The following MAX variants were observed in gnomAD, a reference collection of about 807,000 sequenced individuals.
MAX encodes protein max.
Under a neutral mutation model 22.3 loss-of-function variants are expected in MAX, and 3 were observed. The observed-to-expected ratio is 0.13, with a 90% CI of 0.06 to 0.35. MAX has a LOEUF of 0.35. Ranked by LOEUF, MAX falls within the 10% of genes least tolerant of loss-of-function variation. MAX has a pLI of 1.00. For missense variants in MAX, 119 were observed against 209.4 expected, an observed-to-expected ratio of 0.57 and a Z score of 2.66; for synonymous variants, 72 against 77.7, an observed-to-expected ratio of 0.93 and a Z score of 0.39.
rs1002796345 is a variant in MAX at position 65,060,396 on chromosome 14, C to T, written c.171+33312G>A. Among the ~76,000 whole-genome samples, 11 of 148,632 alleles carry T rather than the reference C, an allele frequency of 7.4e-5. No individual in the cohort carries two copies. In the South Asian group the frequency reaches 1.5e-3, roughly 21 times the overall value. ...CTGAGGTCAGGAGTTCGAGACCAGC[C>T]GGACCAACATGGTGAAACCCTGTCT... On this transcript the variant is annotated intron_variant, in intron 3 of 3. Coordinates refer to the MAX transcript ENST00000341653.
rs1250144254 is a variant in MAX at position 65,009,734 on chromosome 14, ATG to A, written c.172-3452_172-3451del. Among the ~76,000 whole-genome samples the A allele has an allele frequency of 6.6e-6, 1 of 151,994 alleles. No homozygotes were observed. Among genetic ancestry groups the A allele is most frequent in the East Asian group, 1.9e-4 (1 of 5,186 alleles). The stretch of plus-strand genomic sequence containing the variant: ...ATCCAGCTGAACTAAACTAACTCAA[ATG>A]TGTCATGGTGTTTTCTTCATTTTGC... On this transcript the variant is annotated intron_variant, in intron 3 of 3. Transcript: ENST00000341653. The surrounding 1 kb of genome is among the most constrained non-coding windows in gnomAD (Gnocchi z 4.2).
At chr14:65,099,731 CA>C (rs577811248) in intron 2 of MAX, among the ~76,000 whole-genome samples, 88 of 152,076 alleles carry the variant, frequency 5.8e-4, no homozygotes, top group Non-Finnish European at 7.5e-4. Flanking sequence ...GACTAGGCCC[CA>C]AACATGAAGG....
In MAX at chr14:65,016,203, C is replaced by G. The variant is rs530642079; in HGVS notation, c.172-9919G>C. Among the ~76,000 whole-genome samples, 25 of 152,314 alleles carry G rather than the reference C, an allele frequency of 1.6e-4. No homozygotes were observed. The South Asian group carries it at 5.2e-3, about 32-fold the overall frequency. On this transcript the variant is annotated intron_variant, in intron 3 of 3. Transcript: ENST00000341653. The stretch of plus-strand genomic sequence containing the variant: ...CTGGATGTGTTACTGGTGTGGCATA[C>G]AAATGCCATGACTCTCAGTTTTCCT...
chr14:65,085,635 C>CA (rs2063310765), intron 3 of MAX, among the ~76,000 whole-genome samples: 1 of 152,012 alleles, frequency 6.6e-6, no homozygotes, highest in Non-Finnish European at 1.5e-5. Context: ...AGAGGTCCCA[C>CA]AAAAGGCCAC....
intron 3 of MAX, among the ~76,000 whole-genome samples, chr14:65,092,357 T>G (rs946060566): frequency 6.6e-6 from 1 of 152,164 alleles, no homozygotes; most frequent in East Asian, 1.9e-4. Context: ...CTTTTCCATA[T>G]AGTTTACCAA....
chr14:65,038,909 T>C lies in MAX; in HGVS notation c.172-32625A>G, dbSNP rs79981997. Among the ~76,000 whole-genome samples the C allele has an allele frequency of 2.8e-3, 424 of 152,318 alleles. 3 individuals are homozygous for C. Among genetic ancestry groups the C allele is most frequent in the Non-Finnish European group, 5.2e-3 (353 of 68,024 alleles). ...CTGACTACTTTTTTATCTACTCTCTTGTTCTTTTCTGGGGATATTTTGTCC... is the reference window on the plus strand; with the variant it reads ...CTGACTACTTTTTTATCTACTCTCTCGTTCTTTTCTGGGGATATTTTGTCC... On this transcript the variant is annotated intron_variant, in intron 3 of 3. Coordinates refer to the MAX transcript ENST00000341653.
At chr14:65,061,172 T>C (rs2062858722) in intron 3 of MAX, 3 of 1,613,838 alleles carry the variant, frequency 1.9e-6, no homozygotes, top group Non-Finnish European at 2.5e-6. Context: ...CCTTTTCTTC[T>C]CTTTGCAGCA....
At position 65,084,185 on chromosome 14, in the gene MAX, T is replaced by G. The variant is rs1176058809; in HGVS notation, c.172-6149A>C. ...GGGGTCAAAACAATCATTTTTTAAA[T>G]CTTGCATTCTTTTTTCTTGTGCACT... On this transcript the variant is annotated intron_variant, in intron 3 of 4. Transcript: ENST00000358664. This position sits in a 1 kb window ranked among gnomAD's most constrained non-coding sequence, Gnocchi z 4.3. 1 of 1,613,964 alleles carries G rather than the reference T, an allele frequency of 6.2e-7. No individual in the cohort carries two copies. Among genetic ancestry groups the G allele is most frequent in the South Asian group, 1.1e-5 (1 of 91,088 alleles).
intron 2 of MAX, chr14:65,094,164 G>A (rs954749274): frequency 1.2e-5 from 4 of 343,300 alleles, no homozygotes; most frequent in Non-Finnish European, 2.3e-5. Flanking sequence ...CTGTGGTTAG[G>A]AAGTGACTAG....
rs61530668 is a variant in MAX, at chr14:65,056,228, CAT to C, written c.171+37478_171+37479del. On this transcript the variant is annotated intron_variant, in intron 3 of 3. Coordinates refer to the MAX transcript ENST00000341653. ...TATTTTTGAGGTTTATCTGTGTTCA[CAT>C]GTGTTGCTCCAGTTTATTCATTTTA... Among the ~76,000 whole-genome samples, 1,089 of 152,294 alleles carry C rather than the reference CAT, an allele frequency of 7.2e-3. 12 individuals are homozygous for C. Among genetic ancestry groups the C allele is most frequent in the African/African-American group, 0.024 (979 of 41,552 alleles).
rs2063077848 is a variant in MAX, at chr14:65,077,029, GGT to G, written c.296-368_296-367del. 1 of 544,806 alleles carries G rather than the reference GGT, an allele frequency of 1.8e-6. No homozygotes were observed. Among genetic ancestry groups the G allele is most frequent in the Non-Finnish European group, 3.3e-6 (1 of 304,992 alleles). 33.7% of individuals were successfully genotyped at this position (544,806 alleles called of 1,614,324 possible). A position where few individuals can be genotyped will look rare whatever the true frequency, so the allele number is the denominator to read the frequency against. On this transcript the variant is annotated intron_variant, in intron 4 of 4. Transcript: ENST00000358664. This position sits in a 1 kb window ranked among gnomAD's most constrained non-coding sequence, Gnocchi z 6.3. ...GGCCCAGGAGCATGAGGCTCCACAA[GGT>G]GTGAGGCCACACAACAGCAGGAAAG...
At chr14:65,048,194 G>A (rs941007829) in intron 3 of MAX, among the ~76,000 whole-genome samples, 16 of 151,510 alleles carry the variant, frequency 1.1e-4, no homozygotes, top group African/African-American at 3.6e-4. Flanking sequence ...TGTTGGCCTG[G>A]CTGGTCTCAA....
At position 65,007,129 on chromosome 14, in the gene MAX, A is replaced by G. The variant is rs1181337126; in HGVS notation, c.172-845T>C. Among the ~76,000 whole-genome samples the G allele has an allele frequency of 6.6e-6, 1 of 152,250 alleles. No individual in the cohort carries two copies. The highest frequency in any genetic ancestry group is 1.5e-5 in the Non-Finnish European group (1 of 68,038). On this transcript the variant is annotated intron_variant, in intron 3 of 3. Coordinates refer to the MAX transcript ENST00000341653. This position sits in a 1 kb window ranked among gnomAD's most constrained non-coding sequence, Gnocchi z 4.9. ...ATTTTGGCTGAATGGCTGAGTATAT[A>G]ATTCAACATATCAATATAAGGCTGA... is the stretch of plus-strand genomic sequence containing the variant.
chr14:65,053,429 C>G, intron 3 of MAX: 1 of 1,193,562 alleles, frequency 8.4e-7, no homozygotes, highest in Non-Finnish European at 1.1e-6. Flanking sequence ...TACTCAGAGC[C>G]AGATCTCAAG....
chr14:65,076,671 G>T lies in MAX; in HGVS notation c.296-8C>A. ...CCTTCTCCAGTGCACGGACTAAAAG[G>T]CAACCAAGGGAGTGTGTTACTGCCT... On this transcript the variant is annotated splice_polypyrimidine_tract_variant and splice_region_variant and intron_variant, in intron 4 of 4. Coordinates refer to ENST00000358664, the MANE Select transcript of MAX (RefSeq NM_002382.5). This position sits in a 1 kb window ranked among gnomAD's most constrained non-coding sequence, Gnocchi z 6.6. The T allele has an allele frequency of 2.5e-6, 4 of 1,614,156 alleles. No homozygotes were observed. The highest frequency in any genetic ancestry group is 3.4e-6 in the Non-Finnish European group (4 of 1,180,012).
At chr14:65,013,954 A>G (rs1471332855) in intron 3 of MAX, among the ~76,000 whole-genome samples, 1 of 152,248 alleles carries the variant, frequency 6.6e-6, no homozygotes, top group Non-Finnish European at 1.5e-5. Flanking sequence ...TCAAAGGCAC[A>G]TAGCGAGTAA....
At chr14:65,061,514 C>T in intron 3 of MAX, 1 of 875,204 alleles carries the variant, frequency 1.1e-6, no homozygotes, top group Admixed American at 3.1e-5. Context: ...TCTTTCCACA[C>T]CTGTCAAACC....
At chr14:65,053,438 A>G (rs1190600872) in intron 3 of MAX, 2 of 1,130,060 alleles carry the variant, frequency 1.8e-6, no homozygotes, top group Non-Finnish European at 2.3e-6. Context: ...CCAGATCTCA[A>G]GAGCAGAGGT....
At chr14:65,096,248 C>T (rs1432151939) in intron 2 of MAX, among the ~76,000 whole-genome samples, 2 of 152,136 alleles carry the variant, frequency 1.3e-5, no homozygotes, top group African/African-American at 4.8e-5. Flanking sequence ...TACACCAATC[C>T]CTGCTGCCAT....
Sources: gnomAD v4.1 joint callset for allele counts (sites outside exome capture counted in the v4.1 genomes callset) on GRCh38, gnomAD v4.1.1 for gene constraint, Gnocchi (gnomAD v3.1) non-coding constraint, MANE v1.5 for transcripts, NCBI Gene and HGNC (gene_info 2026-07-23, HGNC 2026-07-21) for gene names.